ITGA2: variants seen among roughly 807,000 people sequenced by gnomAD.
The protein encoded by ITGA2 is integrin subunit alpha 2.
ITGA2 carries 101 observed loss-of-function variants against 146.3 expected under a neutral mutation model. The ratio of observed to expected loss-of-function variants is 0.69; its 90% CI spans 0.59 to 0.81. The LOEUF (loss-of-function observed/expected upper bound fraction) is 0.81. ITGA2 is among the 40% of genes least tolerant of loss of function. The pLI is 0.00. For missense variants in ITGA2, 1,281 were observed against 1,402.7 expected, an observed-to-expected ratio of 0.91 and a Z score of 1.39; for synonymous variants, 477 against 487.1, an observed-to-expected ratio of 0.98 and a Z score of 0.27.
intron 1 of ITGA2, among the ~76,000 whole-genome samples, chr5:53,020,149 A>G (rs893102900): frequency 1.3e-5 from 2 of 152,220 alleles, no homozygotes; most frequent in African/African-American, 4.8e-5. Flanking sequence ...ATACTCAATA[A>G]GTTTATTGAG....
At chr5:53,008,642 GTCTC>G (rs3212400) in intron 1 of ITGA2, among the ~76,000 whole-genome samples, 1 of 151,402 alleles carries the variant, frequency 6.6e-6, no homozygotes, top group African/African-American at 2.4e-5. Flanking sequence ...GTCAGCTAGA[GTCTC>G]TCTCTCTCTG....
intron 1 of ITGA2, among the ~76,000 whole-genome samples, chr5:53,000,354 A>G (rs1019961527): frequency 5.9e-5 from 9 of 152,160 alleles, no homozygotes; most frequent in Admixed American, 1.3e-4. Flanking sequence ...ACATTGATTG[A>G]TATTAAAATA....
chr5:53,055,491 A>G (rs1305945712), intron 7 of ITGA2, 47 bp from the exon 8 acceptor site: 5 of 1,579,518 alleles, frequency 3.2e-6, no homozygotes, highest in Non-Finnish European at 4.3e-6. Flanking sequence ...TCTCATATTA[A>G]CTTCATATTT....
intron 15 of ITGA2, among the ~76,000 whole-genome samples, chr5:53,066,447 C>A (rs1745150652): frequency 6.6e-6 from 1 of 151,796 alleles, no homozygotes; most frequent in Non-Finnish European, 1.5e-5. Flanking sequence ...TCATTGACCT[C>A]CACAGGAGTT....
chr5:53,054,451 T>A (rs905052223), intron 7 of ITGA2, among the ~76,000 whole-genome samples: 1 of 152,174 alleles, frequency 6.6e-6, no homozygotes, highest in African/African-American at 2.4e-5. Flanking sequence ...GTGTGTATCC[T>A]GTGTCCCAAT....
chr5:53,069,975 G>A, intron 16 of ITGA2, 134 bp from the exon 17 acceptor site: 1 of 709,634 alleles, frequency 1.4e-6, no homozygotes, highest in East Asian at 2.7e-5. Flanking sequence ...TGGTTCACAA[G>A]CCACCAATAT....
At chr5:53,074,532 T>C in intron 21 of ITGA2, 55 bp downstream of exon 21, 1 of 1,307,140 alleles carries the variant, frequency 7.7e-7, no homozygotes, top group African/African-American at 1.4e-5. Flanking sequence ...GCACATATGC[T>C]AATTTACCAA....
intron 1 of ITGA2, among the ~76,000 whole-genome samples, chr5:52,993,981 C>T (rs1741098106): frequency 6.6e-6 from 1 of 152,084 alleles, no homozygotes; most frequent in Non-Finnish European, 1.5e-5. Flanking sequence ...AATCATTTAC[C>T]AGCAGAACAT....
At chr5:53,011,707 A>T (rs935963630) in intron 1 of ITGA2, among the ~76,000 whole-genome samples, 1 of 151,750 alleles carries the variant, frequency 6.6e-6, no homozygotes, top group Non-Finnish European at 1.5e-5. Context: ...ACTTTGAGAG[A>T]TTCATTGTAG....
At chr5:53,030,712 G>T (rs752650418) in intron 2 of ITGA2, among the ~76,000 whole-genome samples, 7 of 152,212 alleles carry the variant, frequency 4.6e-5, no homozygotes, top group Non-Finnish European at 8.8e-5. Flanking sequence ...GCCTTAAGGA[G>T]TGTAAAATAG....
At chr5:53,026,031 T>C in intron 1 of ITGA2, among the ~76,000 whole-genome samples, 1 of 152,234 alleles carries the variant, frequency 6.6e-6, no homozygotes, top group Non-Finnish European at 1.5e-5. Context: ...TTTGAAATGA[T>C]TAGCATTTCT....
At chr5:53,022,615 G>A (rs972432602) in intron 1 of ITGA2, among the ~76,000 whole-genome samples, 19 of 152,226 alleles carry the variant, frequency 1.2e-4, no homozygotes, top group African/African-American at 4.6e-4. Context: ...CACCCAGTCT[G>A]CAGTGCAGTG....
At chr5:53,033,745 G>A (rs1743352523) in intron 2 of ITGA2, among the ~76,000 whole-genome samples, 1 of 149,876 alleles carries the variant, frequency 6.7e-6, no homozygotes. Flanking sequence ...TTATAGGCAT[G>A]TGCCACCATA....
intron 1 of ITGA2, among the ~76,000 whole-genome samples, chr5:53,011,899 TG>T (rs1261884306): frequency 5.3e-5 from 8 of 152,178 alleles, no homozygotes; most frequent in African/African-American, 1.9e-4. Flanking sequence ...AGTTACAAAG[TG>T]GAAGAATTTG....
chr5:53,033,245 G>A (rs1743320013), intron 2 of ITGA2, among the ~76,000 whole-genome samples: 1 of 149,394 alleles, frequency 6.7e-6, no homozygotes, highest in Non-Finnish European at 1.5e-5. Flanking sequence ...GTCTAGCCTT[G>A]GCAACAGAGG....
Position 53,070,125 on chromosome 5 carries a change from C to G in ITGA2, c.2100C>G (p.Ile700Met). The G allele has an allele frequency of 6.2e-7, 1 of 1,610,670 alleles. No individual in the cohort carries two copies. Among genetic ancestry groups the G allele is most frequent in the Non-Finnish European group, 8.5e-7 (1 of 1,177,674 alleles). Residue 700 changes from isoleucine to methionine, a missense_variant, in exon 17 of 30, where the codon ATC becomes ATG. By Grantham distance (10) the Ile-to-Met change is conservative (BLOSUM62 1). This residue lies in a region of ITGA2 where 795 missense variants were observed against 841.7 expected (regional missense o/e 0.94). Coordinates refer to ENST00000296585, the MANE Select transcript of ITGA2 (RefSeq NM_002203.4). ...TTATCATAGCCATTGTATATAACAT[C>G]ACACTTGATGCAGATGGATTTTCAT... ...QNNQVAIVYN[I>M]TLDADGFSSR...
At chr5:53,020,332 CAT>C (rs763630781) in intron 1 of ITGA2, among the ~76,000 whole-genome samples, 22 of 152,122 alleles carry the variant, frequency 1.4e-4, no homozygotes, top group Non-Finnish European at 2.4e-4. Context: ...TTATTACAAA[CAT>C]AGAGTTCCAT....
chr5:53,071,860 T>C (rs1745412796), intron 17 of ITGA2, 78 bp from the exon 18 acceptor site: 1 of 986,124 alleles, frequency 1.0e-6, no homozygotes, highest in African/African-American at 1.6e-5. Context: ...TTTGGAATCA[T>C]TTTCTTGTTT....
rs553327360 is a variant in ITGA2, at chr5:53,077,782, G to A, written c.2826-990G>A. 7.8e-4 allele frequency among the ~76,000 whole-genome samples: 119 copies of A among 152,042 alleles called. 1 individual carries two copies. Among genetic ancestry groups the A allele is most frequent in the African/African-American group, 2.7e-3 (110 of 41,508 alleles). ...GAAAAAATCATTAAGGCATAAAAGA[G>A]GGAAAGACAAGGTTTTAGTAAAGAA... On this transcript the variant is annotated intron_variant, in intron 23 of 29. Transcript: ENST00000296585.
Sources: gnomAD v4.1 joint callset for allele counts (sites outside exome capture counted in the v4.1 genomes callset) on GRCh38, gnomAD v4.1.1 for gene constraint, gnomAD v4.1.1 regional missense constraint, MANE v1.5 for transcripts, NCBI Gene and HGNC (gene_info 2026-07-23, HGNC 2026-07-21) for gene names.